COL19A1: variants seen among roughly 807,000 people sequenced by gnomAD.
COL19A1 encodes collagen alpha-1(XIX) chain.
COL19A1 carries 159 observed loss-of-function variants against 190.2 expected under a neutral mutation model. The observed-to-expected ratio is 0.84, with a 90% CI of 0.73 to 0.95. COL19A1 has a LOEUF of 0.95. COL19A1 is among the 40% of genes least tolerant of loss of function. COL19A1 has a pLI of 0.00. For synonymous variants in COL19A1, 509 were observed against 458.9 expected, an observed-to-expected ratio of 1.11 and a Z score of -1.39; for missense variants, 1,418 against 1,431.9, an observed-to-expected ratio of 0.99 and a Z score of 0.16.
At chr6:69,870,945 A>G (rs1767787593) in intron 1 of COL19A1, among the ~76,000 whole-genome samples, 1 of 152,176 alleles carries the variant, frequency 6.6e-6, no homozygotes, top group African/African-American at 2.4e-5. Flanking sequence ...ATTGAAGATG[A>G]TTTTGAAATT....
intron 16 of COL19A1, among the ~76,000 whole-genome samples, chr6:70,109,548 G>A (rs796994370): frequency 3.2e-4 from 33 of 104,092 alleles, no homozygotes; most frequent in African/African-American, 1.9e-3. Flanking sequence ...GTAAGTGTGT[G>A]TGTGTGTGTG....
chr6:70,039,146 C>G (rs1779505726), intron 14 of COL19A1, among the ~76,000 whole-genome samples: 4 of 152,072 alleles, frequency 2.6e-5, no homozygotes, highest in Admixed American at 2.6e-4. Flanking sequence ...CAGACTGTAC[C>G]ACATACCAAT....
At position 70,204,630 on chromosome 6, in the gene COL19A1, ATCTGAGAGC is replaced by A. The variant is rs558451991; in HGVS notation, c.3224-2269_3224-2261del. Among the ~76,000 whole-genome samples, 14 of 152,346 alleles carry A rather than the reference ATCTGAGAGC, an allele frequency of 9.2e-5. No individual in the cohort carries two copies. In the South Asian group the frequency reaches 2.9e-3, roughly 32 times the overall value. ...AATATATTTCTGCATTATATTGCAAATCTGAGAGCTGAACTTAAATGAAATCGCTAAGTT... is the reference window on the plus strand; with the variant it reads ...AATATATTTCTGCATTATATTGCAAATGAACTTAAATGAAATCGCTAAGTT... On this transcript the variant is annotated intron_variant, in intron 49 of 50. Transcript: ENST00000620364.
chr6:69,916,724 T>TTTTCATAAG (rs1771335028), intron 4 of COL19A1, among the ~76,000 whole-genome samples: 1 of 152,244 alleles, frequency 6.6e-6, no homozygotes, highest in Admixed American at 6.5e-5. Flanking sequence ...ATATATTTAC[T>TTTTCATAAG]TATATCCCTC....
At chr6:69,896,018 T>C (rs1385146411) in intron 2 of COL19A1, among the ~76,000 whole-genome samples, 1 of 152,220 alleles carries the variant, frequency 6.6e-6, no homozygotes, top group Non-Finnish European at 1.5e-5. Flanking sequence ...ACAGTTCATA[T>C]ATATTTAGCT....
chr6:69,955,854 CA>C (rs555277497), intron 9 of COL19A1, among the ~76,000 whole-genome samples: 70 of 151,958 alleles, frequency 4.6e-4, no homozygotes, highest in African/African-American at 1.6e-3. Context: ...GACTGATGGG[CA>C]AAATATGGGG....
chr6:69,921,319 AATC>A (rs1308161039), intron 4 of COL19A1, among the ~76,000 whole-genome samples: 31 of 123,230 alleles, frequency 2.5e-4, no homozygotes, highest in African/African-American at 1.0e-3. Flanking sequence ...TATATCATAT[AATC>A]ATATATCATA....
intron 12 of COL19A1, among the ~76,000 whole-genome samples, chr6:70,028,309 A>G (rs1208704442): frequency 2.6e-5 from 4 of 152,056 alleles, no homozygotes; most frequent in South Asian, 4.1e-4. Flanking sequence ...TTTGAATTGA[A>G]TGGGACCAAG....
At chr6:69,896,564 A>G (rs1180462383) in intron 2 of COL19A1, among the ~76,000 whole-genome samples, 1 of 148,346 alleles carries the variant, frequency 6.7e-6, no homozygotes, top group African/African-American at 2.5e-5. Context: ...AAAAAAAAAA[A>G]AAAAAAATAC....
At chr6:70,035,570 C>T (rs889481888) in intron 13 of COL19A1, among the ~76,000 whole-genome samples, 4 of 152,126 alleles carry the variant, frequency 2.6e-5, no homozygotes, top group African/African-American at 9.7e-5. Context: ...GTGACACTTC[C>T]CAGCTGCTTC....
chr6:70,045,835 T>A (rs1205319515), intron 14 of COL19A1, among the ~76,000 whole-genome samples: 1 of 152,220 alleles, frequency 6.6e-6, no homozygotes, highest in East Asian at 1.9e-4. Context: ...AGCTAACCCA[T>A]GACCCAGACT....
intron 3 of COL19A1, 104 bp downstream of exon 3, chr6:69,899,126 A>G: frequency 4.2e-6 from 3 of 718,454 alleles, no homozygotes; most frequent in East Asian, 2.6e-5. Context: ...GCAATTTAAG[A>G]TCATAGCATT....
At position 69,932,927 on chromosome 6, in the gene COL19A1, T is replaced by G. The variant is rs541738895; in HGVS notation, c.747+64T>G. The G allele has an allele frequency of 8.2e-6, 9 of 1,098,686 alleles. No individual in the cohort carries two copies. The East Asian group carries it at 2.3e-4, about 28-fold the overall frequency. The allele number at this position is 1,098,686 out of a possible 1,614,324, so 68.1% of individuals were successfully genotyped here. A position where few individuals can be genotyped will look rare whatever the true frequency, so the allele number is the denominator to read the frequency against. On this transcript the variant is annotated intron_variant, in intron 7 of 50. Coordinates refer to ENST00000620364, the MANE Select transcript of COL19A1 (RefSeq NM_001858.6). ...CCAATTATCTTTTAGTGGCATAGTT[T>G]GTAGAGTCCAAATGTAGGGTAGCAC...
chr6:70,043,482 G>A (rs779078771), intron 14 of COL19A1, among the ~76,000 whole-genome samples: 1 of 152,066 alleles, frequency 6.6e-6, no homozygotes, highest in Non-Finnish European at 1.5e-5. Flanking sequence ...GTGAGCCACC[G>A]CGCCCGGCCA....
chr6:70,141,807 T>G, intron 20 of COL19A1, 86 bp from the exon 21 acceptor site: 9 of 860,534 alleles, frequency 1.0e-5, no homozygotes, highest in African/African-American at 1.7e-5. Flanking sequence ...TGTATGTTAA[T>G]TAGTAGAAAT....
intron 40 of COL19A1, 25 bp from the exon 41 acceptor site, chr6:70,171,939 C>A: frequency 6.2e-7 from 1 of 1,609,890 alleles, no homozygotes; most frequent in Non-Finnish European, 8.5e-7. Context: ...ATTGCTCCTG[C>A]ATTTCTTATG....
At chr6:69,888,990 C>T (rs1386742280) in intron 2 of COL19A1, among the ~76,000 whole-genome samples, 1 of 152,212 alleles carries the variant, frequency 6.6e-6, no homozygotes, top group South Asian at 2.1e-4. Context: ...AACAAGGAAA[C>T]AAAGAGCCTT....
rs541770263 is a variant in COL19A1, at chr6:70,087,581, CTGAG to C, written c.1225-14586_1225-14583del. ...CATTATAAGGAGTTCAGCTTTTACT[CTGAG>C]TAAGGGCCCTCATTTGTCTGTTGTA... On this transcript the variant is annotated intron_variant, in intron 15 of 50. Transcript: ENST00000620364. Among the ~76,000 whole-genome samples the C allele has an allele frequency of 3.1e-3, 475 of 152,254 alleles. 3 individuals carry two copies. The highest frequency in any genetic ancestry group is 5.1e-3 in the Non-Finnish European group (348 of 68,010).
intron 40 of COL19A1, 81 bp downstream of exon 40, chr6:70,168,762 C>T (rs1219402763): frequency 2.7e-6 from 4 of 1,477,234 alleles, no homozygotes; most frequent in Non-Finnish European, 3.8e-6. Flanking sequence ...GGCAAAATGG[C>T]CTGCCTTCTT....
Sources: gnomAD v4.1 joint callset for allele counts (sites outside exome capture counted in the v4.1 genomes callset) on GRCh38, gnomAD v4.1.1 for gene constraint, MANE v1.5 for transcripts, NCBI Gene and HGNC (gene_info 2026-07-23, HGNC 2026-07-21) for gene names.